The following PCDHGA7 variants were observed in gnomAD, a reference collection of about 807,000 sequenced individuals.
The protein encoded by PCDHGA7 is protocadherin gamma subfamily A, 7, also known as protocadherin gamma-A7.
In PCDHGA7, 44 loss-of-function variants were observed where a neutral mutation model predicts 58.3. The observed-to-expected ratio is 0.75, with a 90% CI of 0.59 to 0.97. The LOEUF (loss-of-function observed/expected upper bound fraction) is 0.97, where lower values mean the gene tolerates loss of function less well. Ranked by LOEUF, PCDHGA7 falls within the 50% of genes least tolerant of loss-of-function variation. The pLI, the probability that PCDHGA7 is intolerant of heterozygous loss-of-function variation, is 0.00. For synonymous variants in PCDHGA7, 516 were observed against 504.2 expected (o/e 1.02, Z -0.31); for missense variants, 1,266 against 1,188.7 (o/e 1.06, Z -0.96).
intron 2 of PCDHGA7, among the ~76,000 whole-genome samples, chr5:141,499,528 G>T (rs961802549): frequency 1.3e-5 from 2 of 152,142 alleles, no homozygotes; most frequent in African/African-American, 2.4e-5. Context: ...AAAGTAGAGA[G>T]AATGGTGTCA....
At chr5:141,507,450 CAGAG>C (rs940460926) in intron 3 of PCDHGA7, among the ~76,000 whole-genome samples, 1 of 152,170 alleles carries the variant, frequency 6.6e-6, no homozygotes, top group African/African-American at 2.4e-5. Flanking sequence ...GACGGAAGGA[CAGAG>C]AGAGAGGTGG....
chr5:141,425,897 A>G (rs893972047), intron 1 of PCDHGA7, among the ~76,000 whole-genome samples: 1 of 152,240 alleles, frequency 6.6e-6, no homozygotes, highest in African/African-American at 2.4e-5. Context: ...TTTGGTAGTA[A>G]ACACTGGAAA....
At chr5:141,438,290 A>G (rs1043285243) in intron 1 of PCDHGA7, among the ~76,000 whole-genome samples, 5 of 152,074 alleles carry the variant, frequency 3.3e-5, no homozygotes, top group East Asian at 3.9e-4. Flanking sequence ...TTTAATCTGT[A>G]TGTAAAAGAA....
rs1562052190 is a variant in PCDHGA7, at chr5:141,476,218, CTA to C, written c.2425-18587_2425-18586del. The C allele has an allele frequency of 6.2e-7, 1 of 1,613,984 alleles. No individual in the cohort carries two copies. The highest frequency in any genetic ancestry group is 8.5e-7 in the Non-Finnish European group (1 of 1,180,024). ...TGAACAAGGCTTCCACGGTCATTCA[CTA>C]TGAGATCCCGGAGGAAAGAGAGAAG... On this transcript the variant is annotated intron_variant, in intron 1 of 3. Coordinates refer to ENST00000518325, the MANE Select transcript of PCDHGA7 (RefSeq NM_018920.4). This position sits in a 1 kb window ranked among gnomAD's most constrained non-coding sequence, Gnocchi z 7.6.
At chr5:141,410,481 G>A in intron 1 of PCDHGA7, 2 of 1,613,966 alleles carry the variant, frequency 1.2e-6, no homozygotes, top group Non-Finnish European at 1.7e-6. Context: ...GCACATACGG[G>A]TACAAAAGAG....
chr5:141,428,159 G>A (rs1377084529), intron 1 of PCDHGA7: 1 of 1,571,752 alleles, frequency 6.4e-7, no homozygotes, highest in East Asian at 2.2e-5. Context: ...GAACCTGCTG[G>A]TTGCTGTGCG....
At chr5:141,414,083 G>C (rs964114178) in intron 1 of PCDHGA7, 1 of 1,601,124 alleles carries the variant, frequency 6.2e-7, no homozygotes, top group Non-Finnish European at 8.5e-7. Context: ...AAATATACTG[G>C]AGAAATAAAA....
At position 141,511,239 on chromosome 5, in the gene PCDHGA7, C is replaced by A; in HGVS notation, c.*66C>A. On this transcript the variant is annotated 3_prime_UTR_variant, in exon 4 of 4. Coordinates refer to ENST00000518325, the MANE Select transcript of PCDHGA7 (RefSeq NM_018920.4). ...AACCAGCCCAGCTTCTCCTTACCTG[C>A]ACCCAGGCCTCAGAGTTTCAGGGCT... 1 of 1,587,938 alleles carries A rather than the reference C, an allele frequency of 6.3e-7. No homozygotes were observed. Among genetic ancestry groups the A allele is most frequent in the Admixed American group, 1.8e-5 (1 of 55,480 alleles).
At chr5:141,390,505 A>T in intron 1 of PCDHGA7, 1 of 600,954 alleles carries the variant, frequency 1.7e-6, no homozygotes, top group South Asian at 2.1e-5. Context: ...CCAAGCTTAG[A>T]TTTATAAAGC....
Position 141,511,565 on chromosome 5 carries a change from AG to A in PCDHGA7, c.*393del, listed in dbSNP as rs2099883852. 6.8e-6 allele frequency: 2 copies of A among 296,092 alleles called. No homozygotes were observed. Among genetic ancestry groups the A allele is most frequent in the South Asian group, 7.4e-5 (2 of 26,988 alleles). The allele number at this position is 296,092 out of a possible 1,614,324, so 18.3% of individuals were successfully genotyped here. On this transcript the variant is annotated 3_prime_UTR_variant, in exon 4 of 4. Transcript: ENST00000518325. ...CCACTCCAACAGTTCCTCTTTCCCG[AG>A]TAAGGTGGTTGGGGTGTTGAAGTAC...
chr5:141,418,339 T>G (rs779598961), intron 1 of PCDHGA7: 2 of 1,614,012 alleles, frequency 1.2e-6, no homozygotes, highest in Non-Finnish European at 1.7e-6. Context: ...CAGAAGATCC[T>G]GATATTAGTA....
chr5:141,505,589 C>T, intron 3 of PCDHGA7, 108 bp downstream of exon 3: 1 of 1,573,272 alleles, frequency 6.4e-7, no homozygotes, highest in Non-Finnish European at 8.6e-7. Context: ...GTAGTTTCTC[C>T]AGATCTTTCG....
chr5:141,511,793 G>A lies in PCDHGA7; in HGVS notation c.*620G>A, dbSNP rs2099883948. The stretch of plus-strand genomic sequence containing the variant: ...TACTGATGCTTGCTGGATTTAGGGA[G>A]GGCATTTTGCTACCAAGCCTCTTCC... On this transcript the variant is annotated 3_prime_UTR_variant, in exon 4 of 4. Coordinates refer to ENST00000518325, the MANE Select transcript of PCDHGA7 (RefSeq NM_018920.4). 6.4e-6 allele frequency: 1 copy of A among 157,066 alleles called. No homozygotes were observed. The highest frequency in any genetic ancestry group is 2.4e-5 in the African/African-American group (1 of 41,492). 9.7% of individuals were successfully genotyped at this position (157,066 alleles called of 1,614,324 possible). A position where few individuals can be genotyped will look rare whatever the true frequency, so the allele number is the denominator to read the frequency against.
Position 141,398,804 on chromosome 5 carries a change from C to G in PCDHGA7, c.2424+13481C>G, listed in dbSNP as rs1283760076. 9 of 1,613,894 alleles carry G rather than the reference C, an allele frequency of 5.6e-6. No homozygotes were observed. In the South Asian group the frequency reaches 8.8e-5, roughly 16 times the overall value. On this transcript the variant is annotated intron_variant, in intron 1 of 3. Coordinates refer to ENST00000518325, the MANE Select transcript of PCDHGA7 (RefSeq NM_018920.4). ...GGACATCCACCCCTAAGCGGCACCA[C>G]TGAGCTCCGGATCCAGGTAACCGAC... is the stretch of plus-strand genomic sequence containing the variant.
chr5:141,485,226 T>C lies in PCDHGA7; in HGVS notation c.2425-9581T>C. ...GAAATCTGGCGGTGGGCTACCCTTT[T>C]GTTCCTCTTTTACCACCTGGGTTAC... On this transcript the variant is annotated intron_variant, in intron 1 of 3. Transcript: ENST00000518325. The surrounding 1 kb of genome is among the most constrained non-coding windows in gnomAD (Gnocchi z 5.7). 1.9e-6 allele frequency: 3 copies of C among 1,614,170 alleles called. No homozygotes were observed. Among genetic ancestry groups the C allele is most frequent in the Non-Finnish European group, 2.5e-6 (3 of 1,180,026 alleles).
In PCDHGA7 at chr5:141,476,628, C is replaced by T. The variant is rs899753438; in HGVS notation, c.2425-18179C>T. 6.2e-6 allele frequency: 10 copies of T among 1,614,160 alleles called. No individual in the cohort carries two copies. The highest frequency in any genetic ancestry group is 7.6e-6 in the Non-Finnish European group (9 of 1,180,068). On this transcript the variant is annotated intron_variant, in intron 1 of 3. Coordinates refer to ENST00000518325, the MANE Select transcript of PCDHGA7 (RefSeq NM_018920.4). The surrounding 1 kb of genome is among the most constrained non-coding windows in gnomAD (Gnocchi z 7.6). ...GATGTGGGAAGCAACTCTTTACAAACCTATGAGCTGAGCCGAAATGAATAC... is the reference window on the plus strand; with the variant it reads ...GATGTGGGAAGCAACTCTTTACAAATCTATGAGCTGAGCCGAAATGAATAC...
chr5:141,507,901 G>T (rs1332204823), intron 3 of PCDHGA7, among the ~76,000 whole-genome samples: 1 of 152,216 alleles, frequency 6.6e-6, no homozygotes, highest in Non-Finnish European at 1.5e-5. Flanking sequence ...CTGAAGTCCA[G>T]CCCAGCCAGG....
At position 141,476,359 on chromosome 5, in the gene PCDHGA7, G is replaced by A; in HGVS notation, c.2425-18448G>A. On this transcript the variant is annotated intron_variant, in intron 1 of 3. Coordinates refer to ENST00000518325, the MANE Select transcript of PCDHGA7 (RefSeq NM_018920.4). This position sits in a 1 kb window ranked among gnomAD's most constrained non-coding sequence, Gnocchi z 7.6. ...GCCGAAGATTCTTTGAGGTGAACCG[G>A]GAGACCGGAGAGATGTTTGTGAACG... The A allele has an allele frequency of 6.2e-7, 1 of 1,614,170 alleles. No individual in the cohort carries two copies. The highest frequency in any genetic ancestry group is 8.5e-7 in the Non-Finnish European group (1 of 1,180,020).
chr5:141,418,013 A>C (rs769578436), intron 1 of PCDHGA7: 2 of 1,613,906 alleles, frequency 1.2e-6, no homozygotes, highest in African/African-American at 2.7e-5. Flanking sequence ...GAACCTCGCT[A>C]AGGATCTAGG....
Sources: allele counts gnomAD v4.1 joint callset (sites outside exome capture counted in the v4.1 genomes callset), GRCh38; gene constraint gnomAD v4.1.1; non-coding constraint Gnocchi (gnomAD v3.1); transcripts MANE v1.5; gene names NCBI Gene and HGNC (gene_info 2026-07-23, HGNC 2026-07-21).